Variants in SHISA9 observed in about 807,000 individuals in gnomAD.
SHISA9 encodes the protein protein shisa-9.
Under a neutral mutation model 38.0 loss-of-function variants are expected in SHISA9, and 13 were observed. That is an observed-to-expected ratio of 0.34 (90% CI 0.22 to 0.54). SHISA9 has a LOEUF of 0.54. SHISA9 is among the 20% of genes least tolerant of loss of function. The pLI is 0.91. For missense variants in SHISA9, 538 were observed against 575.8 expected, an observed-to-expected ratio of 0.93 and a Z score of 0.67; for synonymous variants, 275 against 242.0, an observed-to-expected ratio of 1.14 and a Z score of -1.27.
At chr16:12,961,664 A>T (rs964925872) in intron 2 of SHISA9, among the ~76,000 whole-genome samples, 1 of 152,178 alleles carries the variant, frequency 6.6e-6, no homozygotes, top group Non-Finnish European at 1.5e-5. Context: ...TGACCGCATC[A>T]TATATTACAA....
At chr16:13,134,900 A>C (rs1331102680) in intron 2 of SHISA9, among the ~76,000 whole-genome samples, 1 of 152,142 alleles carries the variant, frequency 6.6e-6, no homozygotes, top group Non-Finnish European at 1.5e-5. Flanking sequence ...CCTGTGGGAC[A>C]TCCTGGACTC....
the SHISA9 span, among the ~76,000 whole-genome samples, chr16:13,539,539 G>A: frequency 3.3e-5 from 5 of 151,468 alleles, no homozygotes; most frequent in Admixed American, 6.6e-5. Context: ...AAATTTAAGG[G>A]CTTTTAATCT....
chr16:13,095,175 G>A (rs961086104), intron 2 of SHISA9, among the ~76,000 whole-genome samples: 5 of 152,194 alleles, frequency 3.3e-5, no homozygotes, highest in African/African-American at 1.2e-4. Context: ...CGTGTATTTG[G>A]AGCTTGTTTC....
chr16:13,439,978 T>C, the SHISA9 span, among the ~76,000 whole-genome samples: 2 of 152,312 alleles, frequency 1.3e-5, no homozygotes, highest in East Asian at 3.9e-4. Context: ...AAAATGCTGT[T>C]AAGGAACTGA....
chr16:12,975,418 C>T (rs543326775), intron 2 of SHISA9, among the ~76,000 whole-genome samples: 11 of 152,022 alleles, frequency 7.2e-5, no homozygotes, highest in Admixed American at 3.9e-4. Flanking sequence ...GCAGGAGAAT[C>T]GCTTGAACCC....
chr16:13,327,720 G>A, the SHISA9 span, among the ~76,000 whole-genome samples: 1 of 151,894 alleles, frequency 6.6e-6, no homozygotes, highest in African/African-American at 2.4e-5. Context: ...GCAGTGGCAC[G>A]ATCTCTACTC....
chr16:13,470,359 G>C, the SHISA9 span, among the ~76,000 whole-genome samples: 1 of 152,150 alleles, frequency 6.6e-6, no homozygotes, highest in Admixed American at 6.6e-5. Context: ...GTATTAGTCT[G>C]TTCTCTTGCT....
intron 2 of SHISA9, among the ~76,000 whole-genome samples, chr16:12,996,329 C>A (rs2072456925): frequency 6.6e-6 from 1 of 151,984 alleles, no homozygotes; most frequent in Non-Finnish European, 1.5e-5. Flanking sequence ...AGTGCCAAGC[C>A]CATTTTCCCA....
chr16:13,160,798 T>C (rs2050588805), intron 2 of SHISA9, among the ~76,000 whole-genome samples: 1 of 152,194 alleles, frequency 6.6e-6, no homozygotes, highest in Non-Finnish European at 1.5e-5. Context: ...GCTAGAAACA[T>C]GCCCACAGGA....
chr16:13,166,900 T>C (rs1017714818), intron 2 of SHISA9, among the ~76,000 whole-genome samples: 1 of 152,070 alleles, frequency 6.6e-6, no homozygotes, highest in African/African-American at 2.4e-5. Flanking sequence ...GATGGGTCGA[T>C]AGGTGCAGCA....
the SHISA9 span, among the ~76,000 whole-genome samples, chr16:13,260,924 G>A: frequency 6.6e-6 from 1 of 152,160 alleles, no homozygotes; most frequent in Non-Finnish European, 1.5e-5. Flanking sequence ...AATCATGGCA[G>A]GAGGCGAAAG....
the SHISA9 span, among the ~76,000 whole-genome samples, chr16:13,252,340 G>T: frequency 1.3e-5 from 2 of 152,284 alleles, no homozygotes; most frequent in East Asian, 3.9e-4. Context: ...ACACATTTTT[G>T]GTTGTCATAA....
rs188212628 is a variant in SHISA9 at position 12,970,330 on chromosome 16, T to C, written c.691+53515T>C. Among the ~76,000 whole-genome samples the C allele has an allele frequency of 1.5e-3, 114 of 78,258 alleles. 1 individual carries two copies. The highest frequency in any genetic ancestry group is 5.9e-3 in the African/African-American group (109 of 18,510). 51.3% of individuals were successfully genotyped at this position (78,258 alleles called of 152,430 possible). On this transcript the variant is annotated intron_variant, in intron 2 of 4. Coordinates refer to ENST00000558583, the MANE Select transcript of SHISA9 (RefSeq NM_001145204.3). ...CTCTCACTAGGGGTATATATACATA[T>C]ATATATATATATACATATATGTGTA...
chr16:12,941,410 T>C (rs1021153868), intron 2 of SHISA9, among the ~76,000 whole-genome samples: 2 of 152,192 alleles, frequency 1.3e-5, no homozygotes, highest in Non-Finnish European at 2.9e-5. Flanking sequence ...TGCATATATT[T>C]GTGGGGTACA....
At chr16:13,457,807 G>A in the SHISA9 span, among the ~76,000 whole-genome samples, 1 of 151,976 alleles carries the variant, frequency 6.6e-6, no homozygotes, top group African/African-American at 2.4e-5. Context: ...ATTTACGTGA[G>A]AAACAAGAAG....
At chr16:13,160,196 A>G (rs191438775) in intron 2 of SHISA9, among the ~76,000 whole-genome samples, 2 of 152,260 alleles carry the variant, frequency 1.3e-5, no homozygotes, top group Non-Finnish European at 2.9e-5. Flanking sequence ...ATTCTGAGGC[A>G]GGCGTGAGCT....
At chr16:13,110,346 G>T (rs4380042) in intron 2 of SHISA9, among the ~76,000 whole-genome samples, 1 of 152,216 alleles carries the variant, frequency 6.6e-6, no homozygotes. Context: ...TTTTTCTCCA[G>T]ATGGGACAGA....
chr16:12,963,791 G>A (rs1454628534), intron 2 of SHISA9, among the ~76,000 whole-genome samples: 1 of 152,152 alleles, frequency 6.6e-6, no homozygotes, highest in Non-Finnish European at 1.5e-5. Context: ...GGAAGCTTTT[G>A]AGTTGAGTTG....
At chr16:13,314,676 C>T in the SHISA9 span, among the ~76,000 whole-genome samples, 1 of 152,134 alleles carries the variant, frequency 6.6e-6, no homozygotes, top group Non-Finnish European at 1.5e-5. Flanking sequence ...CAATCAACAT[C>T]ATAGATACAT....
Sources: gnomAD v4.1 joint callset for allele counts (sites outside exome capture counted in the v4.1 genomes callset) on GRCh38, gnomAD v4.1.1 for gene constraint, MANE v1.5 for transcripts, NCBI Gene and HGNC (gene_info 2026-07-23, HGNC 2026-07-21) for gene names.